The following ARHGAP6 variants were observed in gnomAD, a reference collection of about 807,000 sequenced individuals.
ARHGAP6 encodes the protein rho GTPase-activating protein 6.
A neutral mutation model predicts 55.7 loss-of-function variants in ARHGAP6; 16 were observed. That is an observed-to-expected ratio of 0.29 (90% CI 0.19 to 0.44). The LOEUF is 0.44. ARHGAP6 is among the 20% of genes least tolerant of loss of function. The pLI, the probability that ARHGAP6 is intolerant of heterozygous loss-of-function variation, is 1.00. For synonymous variants in ARHGAP6, 382 were observed against 360.9 expected (o/e 1.06, Z -0.66); for missense variants, 698 against 808.9 (o/e 0.86, Z 1.66).
At chrX:11,610,664 A>C (rs1452476980) in intron 1 of ARHGAP6, among the ~76,000 whole-genome samples, 1 of 112,385 alleles carries the variant, frequency 8.9e-6, no homozygotes, top group African/African-American at 3.2e-5. Context: ...TGAAGGTGTA[A>C]TTTACATATG....
chrX:11,163,517 C>T (rs1320010351), intron 9 of ARHGAP6, among the ~76,000 whole-genome samples: 1 of 112,094 alleles, frequency 8.9e-6, no homozygotes, highest in Non-Finnish European at 1.9e-5. Flanking sequence ...TTGCACTTGA[C>T]CAAGAAGGAT....
chrX:11,520,941 T>C (rs190281484), intron 1 of ARHGAP6, among the ~76,000 whole-genome samples: 1 of 112,573 alleles, frequency 8.9e-6, no homozygotes, highest in African/African-American at 3.2e-5. Context: ...CATGTGTCTG[T>C]TGACTGCATA....
At chrX:11,605,003 A>T (rs1406389589) in intron 1 of ARHGAP6, among the ~76,000 whole-genome samples, 1 of 111,810 alleles carries the variant, frequency 8.9e-6, no homozygotes, top group Non-Finnish European at 1.9e-5. Flanking sequence ...AGAAGCTAGG[A>T]TTGAATGAGC....
intron 1 of ARHGAP6, among the ~76,000 whole-genome samples, chrX:11,652,683 T>C (rs1164524496): frequency 9.0e-6 from 1 of 111,714 alleles, no homozygotes; most frequent in Non-Finnish European, 1.9e-5. Context: ...GTCTGTAACA[T>C]GATGAAAGTT....
intron 2 of ARHGAP6, among the ~76,000 whole-genome samples, chrX:11,245,151 G>A (rs1015981050): frequency 1.8e-4 from 20 of 111,953 alleles, no homozygotes; most frequent in African/African-American, 6.5e-4. Context: ...AAGTCAACTT[G>A]GACAGATCAT....
At chrX:11,485,506 T>C (rs1437379231) in intron 1 of ARHGAP6, among the ~76,000 whole-genome samples, 1 of 112,538 alleles carries the variant, frequency 8.9e-6, no homozygotes, top group Non-Finnish European at 1.9e-5. Context: ...TTTTTAGTCA[T>C]GCAATAAACA....
At chrX:11,207,437 C>G (rs1242397022) in intron 2 of ARHGAP6, among the ~76,000 whole-genome samples, 2 of 112,164 alleles carry the variant, frequency 1.8e-5, no homozygotes, top group East Asian at 5.6e-4. Context: ...TACTTACCAT[C>G]AATTCCAATT....
chrX:11,586,373 T>G (rs1328098049), intron 1 of ARHGAP6, among the ~76,000 whole-genome samples: 2 of 112,018 alleles, frequency 1.8e-5, no homozygotes, highest in East Asian at 5.6e-4. Flanking sequence ...AGAGGTACAG[T>G]TTCAATCTCT....
intron 4 of ARHGAP6, among the ~76,000 whole-genome samples, chrX:11,186,837 T>G (rs1220932677): frequency 9.0e-6 from 1 of 111,706 alleles, no homozygotes; most frequent in Non-Finnish European, 1.9e-5. Context: ...GAAGTATATT[T>G]TTAAAATAGA....
At chrX:11,476,136 G>T (rs1176382129) in intron 1 of ARHGAP6, among the ~76,000 whole-genome samples, 7 of 110,210 alleles carry the variant, frequency 6.4e-5, no homozygotes, top group Non-Finnish European at 1.1e-4. Context: ...TATTAATTAT[G>T]TAGGAAGAAA....
intron 1 of ARHGAP6, chrX:11,293,599 G>A (rs1189222338): frequency 9.0e-6 from 1 of 111,005 alleles, no homozygotes; most frequent in Non-Finnish European, 1.9e-5. Flanking sequence ...CTTTTTAGTT[G>A]GCCCATAATT....
intron 10 of ARHGAP6, among the ~76,000 whole-genome samples, chrX:11,146,119 G>T (rs1434390477): frequency 8.9e-6 from 1 of 112,298 alleles, no homozygotes; most frequent in Non-Finnish European, 1.9e-5. Flanking sequence ...AGGAGGAAGG[G>T]TGTCCCCATC....
intron 1 of ARHGAP6, among the ~76,000 whole-genome samples, chrX:11,572,665 T>C (rs1268292407): frequency 8.9e-6 from 1 of 111,900 alleles, no homozygotes; most frequent in Non-Finnish European, 1.9e-5. Flanking sequence ...GCATGTGTCT[T>C]TATAACAGCA....
At chrX:11,188,408 C>T (rs961087619) in intron 4 of ARHGAP6, among the ~76,000 whole-genome samples, 3 of 111,987 alleles carry the variant, frequency 2.7e-5, no homozygotes, top group Admixed American at 9.4e-5. Flanking sequence ...TCGAGCCTCA[C>T]AGTCTAGTGG....
chrX:11,249,383 G>A (rs775542772), intron 2 of ARHGAP6, among the ~76,000 whole-genome samples: 14 of 111,475 alleles, frequency 1.3e-4, no homozygotes, highest in Admixed American at 8.6e-4. Flanking sequence ...GAACTTATTC[G>A]TGTAACCAAA....
intron 1 of ARHGAP6, among the ~76,000 whole-genome samples, chrX:11,653,673 A>G (rs1449277411): frequency 8.9e-6 from 1 of 112,177 alleles, no homozygotes; most frequent in Non-Finnish European, 1.9e-5. Context: ...TCTTTGAGGT[A>G]GGCACTTTCA....
intron 8 of ARHGAP6, among the ~76,000 whole-genome samples, chrX:11,173,462 G>A (rs920129973): frequency 2.7e-5 from 3 of 111,867 alleles, no homozygotes; most frequent in Non-Finnish European, 5.6e-5. Flanking sequence ...AGTGCCAGGG[G>A]GTTCTTGAAC....
chrX:11,531,338 A>T (rs987826610), intron 1 of ARHGAP6, among the ~76,000 whole-genome samples: 2 of 111,902 alleles, frequency 1.8e-5, no homozygotes, highest in African/African-American at 3.2e-5. Flanking sequence ...TAAGTTTTTT[A>T]AAAAATCACT....
chrX:11,542,374 T>C (rs113953435), intron 1 of ARHGAP6, among the ~76,000 whole-genome samples: 9 of 110,776 alleles, frequency 8.1e-5, no homozygotes, highest in Non-Finnish European at 1.5e-4. Context: ...CTCCGGAGGC[T>C]GAGGCAGGAG....
Sources: gnomAD v4.1 joint callset for allele counts (sites outside exome capture counted in the v4.1 genomes callset) on GRCh38, gnomAD v4.1.1 for gene constraint, MANE v1.5 for transcripts, NCBI Gene and HGNC (gene_info 2026-07-23, HGNC 2026-07-21) for gene names.